Variants in TAFA5 observed in about 807,000 individuals in gnomAD.
The protein encoded by TAFA5 is TAFA chemokine like family member 5, also known as chemokine-like protein TAFA-5.
Under a neutral mutation model 15.3 loss-of-function variants are expected in TAFA5, and 6 were observed. The observed-to-expected ratio is 0.39, with a 90% CI of 0.21 to 0.77. The LOEUF is 0.77. Ranked by LOEUF, TAFA5 falls within the 30% of genes least tolerant of loss-of-function variation. The pLI is 0.41. For synonymous variants in TAFA5, 103 were observed against 80.7 expected (o/e 1.28, Z -1.48); for missense variants, 161 against 193.1 (o/e 0.83, Z 0.98).
rs898511587 is a variant in TAFA5 at position 48,566,800 on chromosome 22, C to T, written c.112+77096C>T. ...CTCTCCTCCTTTTGCCTGTGTCCTC[C>T]TTGGAAGCATTTTTCAAAGCCCTGG... On this transcript the variant is annotated intron_variant, in intron 1 of 3. Transcript: ENST00000402357. This position sits in a 1 kb window ranked among gnomAD's most constrained non-coding sequence, Gnocchi z 4.5. 6.6e-6 allele frequency among the ~76,000 whole-genome samples: 1 copy of T among 152,204 alleles called. No homozygotes were observed. The highest frequency in any genetic ancestry group is 1.5e-5 in the Non-Finnish European group (1 of 68,038).
chr22:48,597,625 G>A (rs1265533843), intron 1 of TAFA5, among the ~76,000 whole-genome samples: 1 of 152,254 alleles, frequency 6.6e-6, no homozygotes, highest in Non-Finnish European at 1.5e-5. Flanking sequence ...TTCCCCTCTG[G>A]CTGGCTCACT....
chr22:48,713,824 G>A (rs1422915290), intron 3 of TAFA5, among the ~76,000 whole-genome samples: 1 of 152,244 alleles, frequency 6.6e-6, no homozygotes, highest in Non-Finnish European at 1.5e-5. Flanking sequence ...TCCCAGGAAA[G>A]GCATCTGTGC....
chr22:48,630,397 G>A (rs1383930177), intron 1 of TAFA5, among the ~76,000 whole-genome samples: 1 of 152,200 alleles, frequency 6.6e-6, no homozygotes, highest in Non-Finnish European at 1.5e-5. Flanking sequence ...CAGAGAAAAG[G>A]AGGCTTGCTC....
At chr22:48,535,300 C>T (rs575859325) in intron 1 of TAFA5, among the ~76,000 whole-genome samples, 3 of 152,342 alleles carry the variant, frequency 2.0e-5, no homozygotes, top group Admixed American at 6.5e-5. Flanking sequence ...GTGACCTGCA[C>T]ATGAGTGTGC....
At chr22:48,535,852 G>A (rs768318118) in intron 1 of TAFA5, among the ~76,000 whole-genome samples, 7 of 151,552 alleles carry the variant, frequency 4.6e-5, no homozygotes, top group African/African-American at 7.3e-5. Context: ...CATCACACAC[G>A]GTCACACCGG....
chr22:48,604,424 C>T (rs539385565), intron 1 of TAFA5, among the ~76,000 whole-genome samples: 25 of 152,168 alleles, frequency 1.6e-4, no homozygotes, highest in Admixed American at 3.9e-4. Context: ...TTTGAGCCGC[C>T]GTGGTGGTGG....
intron 2 of TAFA5, among the ~76,000 whole-genome samples, chr22:48,688,705 A>G (rs1236757808): frequency 6.6e-6 from 1 of 152,234 alleles, no homozygotes; most frequent in Non-Finnish European, 1.5e-5. Flanking sequence ...TAACAAAAAA[A>G]GAGGGCTGGG....
At chr22:48,602,191 T>C (rs1924999237) in intron 1 of TAFA5, among the ~76,000 whole-genome samples, 1 of 152,086 alleles carries the variant, frequency 6.6e-6, no homozygotes, top group African/African-American at 2.4e-5. Context: ...CCTCTCCTTG[T>C]AGTTTGAATT....
chr22:48,688,098 TG>T (rs201072991), intron 2 of TAFA5, among the ~76,000 whole-genome samples: 63 of 141,332 alleles, frequency 4.5e-4, no homozygotes, highest in African/African-American at 1.5e-3. Flanking sequence ...TTGTGTGTTT[TG>T]GGGTTTTTTT....
intron 1 of TAFA5, among the ~76,000 whole-genome samples, chr22:48,642,214 G>A (rs1254746839): frequency 2.0e-5 from 3 of 152,168 alleles, no homozygotes; most frequent in Non-Finnish European, 4.4e-5. Flanking sequence ...AAGCCCTGTG[G>A]GGAGGCCTCG....
chr22:48,722,280 G>A (rs748304949), intron 3 of TAFA5, among the ~76,000 whole-genome samples: 12 of 152,164 alleles, frequency 7.9e-5, no homozygotes, highest in Non-Finnish European at 1.3e-4. Flanking sequence ...CACCGTTCAC[G>A]ATAGCAAAGA....
chr22:48,642,186 C>T (rs536817516), intron 1 of TAFA5, among the ~76,000 whole-genome samples: 12 of 152,270 alleles, frequency 7.9e-5, no homozygotes, highest in East Asian at 3.9e-4. Context: ...GAGCGGCCTG[C>T]GCTTTGCTGA....
chr22:48,521,365 C>G (rs1302881300), intron 1 of TAFA5, among the ~76,000 whole-genome samples: 1 of 152,096 alleles, frequency 6.6e-6, no homozygotes, highest in African/African-American at 2.4e-5. Flanking sequence ...GTTCAGTTTG[C>G]AGACATTCTC....
intron 1 of TAFA5, among the ~76,000 whole-genome samples, chr22:48,511,404 C>T (rs990564820): frequency 1.4e-4 from 21 of 152,198 alleles, no homozygotes. Context: ...TGGGGCTGTG[C>T]GTCTGCAGGG....
rs776593211 is a variant in TAFA5 at position 48,489,739 on chromosome 22, C to T, written c.112+35C>T. 3 of 1,313,464 alleles carry T rather than the reference C, an allele frequency of 2.3e-6. No homozygotes were observed. The highest frequency in any genetic ancestry group is 3.0e-6 in the Non-Finnish European group (3 of 1,000,510). The allele number at this position is 1,313,464 out of a possible 1,614,324, so 81.4% of individuals were successfully genotyped here. On this transcript the variant is annotated intron_variant, in intron 1 of 3. Transcript: ENST00000402357. The surrounding 1 kb of genome is among the most constrained non-coding windows in gnomAD (Gnocchi z 5.5). ...GCGCGGCCCCGGCCCCGGCACGGCCCTCTGGGCCCCGGACCCCCTCCTCCG... is the reference window on the plus strand; with the variant it reads ...GCGCGGCCCCGGCCCCGGCACGGCCTTCTGGGCCCCGGACCCCCTCCTCCG...
intron 2 of TAFA5, among the ~76,000 whole-genome samples, chr22:48,660,948 G>GC (rs1927417196): frequency 3.3e-5 from 5 of 151,884 alleles, no homozygotes; most frequent in Non-Finnish European, 7.4e-5. Context: ...CAGAGTTAGG[G>GC]TCGTGTCTCT....
At chr22:48,686,940 A>C (rs1928378491) in intron 2 of TAFA5, among the ~76,000 whole-genome samples, 1 of 118,246 alleles carries the variant, frequency 8.5e-6, no homozygotes, top group Non-Finnish European at 1.8e-5. Context: ...GGATGGATGG[A>C]TTGGTGGAGG....
At chr22:48,549,750 G>A (rs994054179) in intron 1 of TAFA5, among the ~76,000 whole-genome samples, 1 of 152,218 alleles carries the variant, frequency 6.6e-6, no homozygotes. Context: ...ACCAACTGCT[G>A]TGTGGCCTGG....
chr22:48,630,002 C>T (rs929851187), intron 1 of TAFA5, among the ~76,000 whole-genome samples: 23 of 152,320 alleles, frequency 1.5e-4, no homozygotes, highest in African/African-American at 5.3e-4. Flanking sequence ...CCCTGGGTCA[C>T]CCTGTAAGCT....
Sources: allele counts gnomAD v4.1 joint callset (sites outside exome capture counted in the v4.1 genomes callset), GRCh38; gene constraint gnomAD v4.1.1; non-coding constraint Gnocchi (gnomAD v3.1); transcripts MANE v1.5; gene names NCBI Gene and HGNC (gene_info 2026-07-23, HGNC 2026-07-21).